Variants in LSAMP observed in about 807,000 individuals in gnomAD.
LSAMP encodes the protein limbic system associated membrane protein.
A neutral mutation model predicts 38.6 loss-of-function variants in LSAMP; 7 were observed. The ratio of observed to expected loss-of-function variants is 0.18; its 90% CI spans 0.10 to 0.34. The LOEUF is 0.34. Among genes scored for constraint, LSAMP ranks in the 10% least tolerant of loss-of-function variants. The pLI is 1.00. For missense variants in LSAMP, 313 were observed against 420.0 expected (o/e 0.75, Z 2.23); for synonymous variants, 154 against 166.8 (o/e 0.92, Z 0.59).
intron 1 of LSAMP, among the ~76,000 whole-genome samples, chr3:116,436,903 C>T (rs1421393915): frequency 6.6e-6 from 1 of 151,944 alleles, no homozygotes; most frequent in African/African-American, 2.4e-5. Context: ...ATGTTTATAG[C>T]AGCACAATTC....
chr3:115,860,675 A>G (rs899183158), intron 3 of LSAMP, among the ~76,000 whole-genome samples: 4 of 152,230 alleles, frequency 2.6e-5, no homozygotes, highest in Non-Finnish European at 5.9e-5. Flanking sequence ...GAGTCCCTCC[A>G]TTAGCAATAA....
chr3:116,270,953 G>A (rs576712204), intron 1 of LSAMP, among the ~76,000 whole-genome samples: 2 of 152,112 alleles, frequency 1.3e-5, no homozygotes, highest in African/African-American at 4.8e-5. Flanking sequence ...CAATTACTTC[G>A]TATGTAAAAT....
intron 3 of LSAMP, among the ~76,000 whole-genome samples, chr3:115,990,481 A>G (rs1939636393): frequency 1.3e-5 from 2 of 152,024 alleles, no homozygotes; most frequent in African/African-American, 2.4e-5. Flanking sequence ...GCTTGCATAC[A>G]AGGTCATGTG....
intron 1 of LSAMP, among the ~76,000 whole-genome samples, chr3:116,203,723 C>T (rs2046024413): frequency 6.6e-6 from 1 of 151,974 alleles, no homozygotes; most frequent in Non-Finnish European, 1.5e-5. Flanking sequence ...CTACAAAGGA[C>T]ATGAACTCAT....
At chr3:116,059,214 C>A (rs1477344761) in intron 2 of LSAMP, among the ~76,000 whole-genome samples, 3 of 152,206 alleles carry the variant, frequency 2.0e-5, no homozygotes, top group South Asian at 4.1e-4. Flanking sequence ...TATTTTACTT[C>A]TTGGTGGATT....
chr3:116,321,690 C>T (rs544156171), intron 1 of LSAMP, among the ~76,000 whole-genome samples: 16 of 152,076 alleles, frequency 1.1e-4, no homozygotes, highest in Admixed American at 2.6e-4. Context: ...TTTTAGAGTG[C>T]CTCTCTGACA....
intron 1 of LSAMP, among the ~76,000 whole-genome samples, chr3:116,143,919 T>C (rs1950085): frequency 0.28 from 42,183 of 151,808 alleles, 5,967 homozygotes; most frequent in African/African-American, 0.32. Flanking sequence ...GTAATATTGC[T>C]AGAATTTCCT....
intron 1 of LSAMP, among the ~76,000 whole-genome samples, chr3:116,435,057 G>A (rs2049331879): frequency 6.6e-6 from 1 of 152,154 alleles, no homozygotes; most frequent in South Asian, 2.1e-4. Flanking sequence ...CTTACTTAAT[G>A]TCAGACCTTT....
At chr3:116,306,663 G>A (rs953955617) in intron 1 of LSAMP, among the ~76,000 whole-genome samples, 1 of 151,902 alleles carries the variant, frequency 6.6e-6, no homozygotes, top group African/African-American at 2.4e-5. Flanking sequence ...ACAGCTGCAG[G>A]GAAAAGAGAT....
intron 1 of LSAMP, among the ~76,000 whole-genome samples, chr3:116,250,577 A>G (rs1179075853): frequency 6.6e-6 from 1 of 152,126 alleles, no homozygotes; most frequent in Non-Finnish European, 1.5e-5. Context: ...AAAAAGGAAC[A>G]AATATCAGGC....
At chr3:116,274,130 C>G (rs1184817028) in intron 1 of LSAMP, among the ~76,000 whole-genome samples, 1 of 152,096 alleles carries the variant, frequency 6.6e-6, no homozygotes, top group Non-Finnish European at 1.5e-5. Flanking sequence ...AACATTTCCC[C>G]CTACCCCACC....
At chr3:116,100,089 G>C (rs914387810) in intron 1 of LSAMP, among the ~76,000 whole-genome samples, 10 of 108,748 alleles carry the variant, frequency 9.2e-5, no homozygotes, top group Non-Finnish European at 1.6e-4. Context: ...TTTTGGGGGG[G>C]TGGGGGGTGG....
chr3:116,137,804 A>G (rs899934677), intron 1 of LSAMP, among the ~76,000 whole-genome samples: 14 of 152,156 alleles, frequency 9.2e-5, no homozygotes, highest in African/African-American at 3.4e-4. Context: ...CTAGATAATG[A>G]TGGCCTTATC....
At chr3:116,349,041 C>T (rs921261811) in intron 1 of LSAMP, among the ~76,000 whole-genome samples, 7 of 151,188 alleles carry the variant, frequency 4.6e-5, no homozygotes, top group East Asian at 1.9e-4. Context: ...AAGTTACTTA[C>T]GCTTCCCTCA....
At chr3:115,871,045 C>T (rs570660070) in intron 3 of LSAMP, among the ~76,000 whole-genome samples, 1 of 152,130 alleles carries the variant, frequency 6.6e-6, no homozygotes, top group South Asian at 2.1e-4. Flanking sequence ...AGGAATCAGC[C>T]ATGGAGCTTT....
chr3:116,367,023 T>A (rs138007725), intron 1 of LSAMP, among the ~76,000 whole-genome samples: 2 of 152,292 alleles, frequency 1.3e-5, no homozygotes, highest in African/African-American at 4.8e-5. Flanking sequence ...CTTGTATTAT[T>A]TCTATGCCTT....
intron 1 of LSAMP, among the ~76,000 whole-genome samples, chr3:116,275,009 A>ACTT (rs913134420): frequency 1.3e-5 from 2 of 151,778 alleles, no homozygotes; most frequent in Non-Finnish European, 2.9e-5. Context: ...GCAGCTTAAA[A>ACTT]CTTTTGTTGT....
chr3:116,445,049 G>A lies in LSAMP; in HGVS notation c.-18C>T, dbSNP rs762258932. ...CTGACCATGGTGGCCACGCCGAGGT[G>A]CGGGTCCGCGGGGTGCTCTGGAGGG... On this transcript the variant is annotated 5_prime_UTR_variant, in exon 1 of 7. Transcript: ENST00000490035. 2.5e-6 allele frequency: 4 copies of A among 1,603,094 alleles called. No individual in the cohort carries two copies. Among genetic ancestry groups the A allele is most frequent in the Non-Finnish European group, 3.4e-6 (4 of 1,173,304 alleles).
At chr3:116,198,884 C>T (rs116568323) in intron 1 of LSAMP, among the ~76,000 whole-genome samples, 1,971 of 152,072 alleles carry the variant, frequency 0.013, 40 homozygotes, top group African/African-American at 0.044. Context: ...TCAAAACCAG[C>T]CTGGGCAACA....
Sources: allele counts gnomAD v4.1 joint callset (sites outside exome capture counted in the v4.1 genomes callset), GRCh38; gene constraint gnomAD v4.1.1; transcripts MANE v1.5; gene names NCBI Gene and HGNC (gene_info 2026-07-23, HGNC 2026-07-21).